The following BMPR1A variants were observed in gnomAD, a reference collection of about 807,000 sequenced individuals.
BMPR1A encodes bone morphogenetic protein receptor type 1A.
Under a neutral mutation model 66.0 loss-of-function variants are expected in BMPR1A, and 7 were observed. That is an observed-to-expected ratio of 0.11 (90% confidence interval 0.06 to 0.20). BMPR1A has a LOEUF of 0.20. BMPR1A is among the 10% of genes least tolerant of loss of function. The pLI is 1.00. For synonymous variants in BMPR1A, 200 were observed against 229.7 expected, an observed-to-expected ratio of 0.87 and a Z score of 1.17; for missense variants, 408 against 669.1, an observed-to-expected ratio of 0.61 and a Z score of 4.31.
At chr10:86,916,882 A>G (rs181487145) in intron 8 of BMPR1A, among the ~76,000 whole-genome samples, 25 of 152,164 alleles carry the variant, frequency 1.6e-4, no homozygotes, top group African/African-American at 4.8e-4. Context: ...AATCCCAGCT[A>G]CTTGGGAGGC....
chr10:86,812,168 A>G (rs571565004), intron 1 of BMPR1A, among the ~76,000 whole-genome samples: 36 of 152,308 alleles, frequency 2.4e-4, no homozygotes, highest in Middle Eastern at 3.4e-3. Flanking sequence ...AGAGCAGTTC[A>G]GTCACCGGAA....
intron 7 of BMPR1A, among the ~76,000 whole-genome samples, chr10:86,910,483 C>T (rs1405656142): frequency 6.6e-6 from 1 of 152,152 alleles, no homozygotes; most frequent in Non-Finnish European, 1.5e-5. Context: ...AAGCAAGATG[C>T]AGAACGGCAT....
intron 8 of BMPR1A, among the ~76,000 whole-genome samples, chr10:86,912,750 A>G (rs1843509674): frequency 6.6e-6 from 1 of 152,230 alleles, no homozygotes; most frequent in Non-Finnish European, 1.5e-5. Context: ...GATTCCTTGC[A>G]TCTGTAAGTT....
intron 1 of BMPR1A, among the ~76,000 whole-genome samples, chr10:86,813,201 G>A (rs1457313964): frequency 6.6e-6 from 1 of 152,088 alleles, no homozygotes; most frequent in African/African-American, 2.4e-5. Context: ...CAAATTGTTC[G>A]TTTTTGGCCA....
intron 2 of BMPR1A, among the ~76,000 whole-genome samples, chr10:86,844,734 T>G (rs1842463100): frequency 6.6e-6 from 1 of 152,186 alleles, no homozygotes. Flanking sequence ...CATTTGTGTT[T>G]TGTTTGTTTT....
chr10:86,773,763 C>G (rs768818268), intron 1 of BMPR1A, among the ~76,000 whole-genome samples: 8 of 151,664 alleles, frequency 5.3e-5, no homozygotes, highest in Non-Finnish European at 8.8e-5. Context: ...GCAAAAGAAA[C>G]TTTGAAAGAA....
chr10:86,795,954 T>A (rs1447389986), intron 1 of BMPR1A, among the ~76,000 whole-genome samples: 1 of 152,176 alleles, frequency 6.6e-6, no homozygotes, highest in African/African-American at 2.4e-5. Context: ...AATAACTTTC[T>A]TGGCACAAAA....
At chr10:86,791,911 G>T (rs1273855760) in intron 1 of BMPR1A, among the ~76,000 whole-genome samples, 1 of 149,968 alleles carries the variant, frequency 6.7e-6, no homozygotes, top group Admixed American at 6.7e-5. Flanking sequence ...AGAGATGGGG[G>T]TTTCACCACG....
At chr10:86,796,722 C>T (rs1169405413) in intron 1 of BMPR1A, among the ~76,000 whole-genome samples, 1 of 151,646 alleles carries the variant, frequency 6.6e-6, no homozygotes, top group Non-Finnish European at 1.5e-5. Context: ...GACCAGCTCA[C>T]GCTACCACTC....
At chr10:86,854,970 T>A in intron 2 of BMPR1A, 1 of 177,214 alleles carries the variant, frequency 5.6e-6, no homozygotes, top group Non-Finnish European at 1.2e-5. Flanking sequence ...AGAGTCTCCC[T>A]CTGTTGCCCA....
At chr10:86,918,815 G>C (rs988059909) in intron 9 of BMPR1A, among the ~76,000 whole-genome samples, 3 of 152,006 alleles carry the variant, frequency 2.0e-5, no homozygotes, top group Non-Finnish European at 4.4e-5. Flanking sequence ...TAGAGACGGG[G>C]TTTCGCCCTG....
intron 5 of BMPR1A, among the ~76,000 whole-genome samples, chr10:86,899,086 A>G (rs1843269517): frequency 6.6e-6 from 1 of 152,222 alleles, no homozygotes; most frequent in Non-Finnish European, 1.5e-5. Flanking sequence ...TGTAGTGACA[A>G]ACAGTTCTTT....
intron 7 of BMPR1A, among the ~76,000 whole-genome samples, chr10:86,903,252 T>TA (rs1247125400): frequency 6.6e-6 from 1 of 152,194 alleles, no homozygotes; most frequent in African/African-American, 2.4e-5. Context: ...CCAGAACTGA[T>TA]ATAGACCTTA....
intron 1 of BMPR1A, among the ~76,000 whole-genome samples, chr10:86,793,373 T>A (rs1391374390): frequency 6.6e-6 from 1 of 151,730 alleles, no homozygotes; most frequent in East Asian, 1.9e-4. Context: ...CAGTTTTTTT[T>A]TTTTTTTGAG....
intron 1 of BMPR1A, among the ~76,000 whole-genome samples, chr10:86,759,108 G>C (rs1311562170): frequency 6.6e-6 from 1 of 152,204 alleles, no homozygotes; most frequent in Admixed American, 6.5e-5. Context: ...GGTGGTGGGA[G>C]AATCTGGGAA....
chr10:86,866,409 T>TTC lies in BMPR1A; in HGVS notation c.-152-9457_-152-9456insCT, dbSNP rs1488500098. ...TGGGCAAGTTTCTTTCTTTTTTTTT[T>TTC]TTTTTTTTTTTTTTTTTGAGATGGA... On this transcript the variant is annotated intron_variant, in intron 2 of 12. Coordinates refer to ENST00000372037, the MANE Select transcript of BMPR1A (RefSeq NM_004329.3). 1.5e-3 allele frequency among the ~76,000 whole-genome samples: 156 copies of TTC among 103,100 alleles called. 6 individuals carry two copies. The highest frequency in any genetic ancestry group is 1.9e-3 in the South Asian group (6 of 3,128). 67.6% of individuals were successfully genotyped at this position (103,100 alleles called of 152,430 possible). A position where few individuals can be genotyped will look rare whatever the true frequency, so the allele number is the denominator to read the frequency against.
At chr10:86,841,591 T>A (rs374984501) in intron 2 of BMPR1A, among the ~76,000 whole-genome samples, 1 of 152,226 alleles carries the variant, frequency 6.6e-6, no homozygotes, top group African/African-American at 2.4e-5. Context: ...AAAATACATA[T>A]GTGTTTTTGA....
intron 1 of BMPR1A, among the ~76,000 whole-genome samples, chr10:86,799,864 T>C (rs1841786933): frequency 6.6e-6 from 1 of 152,138 alleles, no homozygotes. Context: ...CAAACCAGTA[T>C]CAAAATGCAA....
At chr10:86,915,163 A>G (rs1191961828) in intron 8 of BMPR1A, among the ~76,000 whole-genome samples, 1 of 152,146 alleles carries the variant, frequency 6.6e-6, no homozygotes, top group Non-Finnish European at 1.5e-5. Context: ...AGTAGCTGGG[A>G]TTAAGGCATG....
Sources: gnomAD v4.1 joint callset for allele counts (sites outside exome capture counted in the v4.1 genomes callset) on GRCh38, gnomAD v4.1.1 for gene constraint, MANE v1.5 for transcripts, NCBI Gene and HGNC (gene_info 2026-07-23, HGNC 2026-07-21) for gene names.